The following PRMT3 variants were observed in gnomAD, a reference collection of about 807,000 sequenced individuals.
The protein encoded by PRMT3 is protein arginine methyltransferase 3, also known as protein arginine N-methyltransferase 3.
In PRMT3, 62 loss-of-function variants were observed where a neutral mutation model predicts 71.9. The ratio of observed to expected loss-of-function variants is 0.86; its 90% CI spans 0.70 to 1.07. The LOEUF is 1.07. Ranked by LOEUF, PRMT3 falls within the 50% of genes least tolerant of loss-of-function variation. The pLI, the probability that PRMT3 is intolerant of heterozygous loss-of-function variation, is 0.00. For synonymous variants in PRMT3, 213 were observed against 220.4 expected (o/e 0.97, Z 0.30); for missense variants, 663 against 643.0 (o/e 1.03, Z -0.34).
chr11:20,420,950 C>G (rs921579173), intron 9 of PRMT3, among the ~76,000 whole-genome samples: 3 of 152,160 alleles, frequency 2.0e-5, no homozygotes, highest in African/African-American at 7.2e-5. Flanking sequence ...TTTATGAATA[C>G]ATACATTAGA....
At chr11:20,504,764 C>G (rs972008009) in intron 15 of PRMT3, among the ~76,000 whole-genome samples, 1 of 144,610 alleles carries the variant, frequency 6.9e-6, no homozygotes, top group Non-Finnish European at 1.5e-5. Context: ...GACTGAGACT[C>G]GGTCTGTCGC....
intron 8 of PRMT3, chr11:20,405,747 C>T (rs1157633988): frequency 6.6e-6 from 1 of 152,216 alleles, no homozygotes; most frequent in African/African-American, 2.4e-5. Context: ...CTTCACTCAG[C>T]AGCTTTTCTT....
At chr11:20,434,679 G>T (rs774541354) in intron 10 of PRMT3, among the ~76,000 whole-genome samples, 1 of 152,112 alleles carries the variant, frequency 6.6e-6, no homozygotes, top group East Asian at 1.9e-4. Flanking sequence ...TCTTCAATCC[G>T]ATTGAAGGTT....
In PRMT3 at chr11:20,391,490, G is replaced by A. The variant is rs879572157; in HGVS notation, c.248-721G>A. 3.3e-5 allele frequency among the ~76,000 whole-genome samples: 5 copies of A among 152,258 alleles called. No individual in the cohort carries two copies. The East Asian group carries it at 7.7e-4, about 24-fold the overall frequency. On this transcript the variant is annotated intron_variant, in intron 3 of 15. Coordinates refer to ENST00000331079, the MANE Select transcript of PRMT3 (RefSeq NM_005788.4). Reference sequence around the variant, plus strand: ...ACTCCCGACCTCAGGTGATCCGCCTGCCTTGGCCTCCCAAAGTGCTGGGGT... The same window carrying A: ...ACTCCCGACCTCAGGTGATCCGCCTACCTTGGCCTCCCAAAGTGCTGGGGT...
In PRMT3 at chr11:20,394,923, T is replaced by G. The variant is rs897105385; in HGVS notation, c.401-880T>G. 4.6e-5 allele frequency among the ~76,000 whole-genome samples: 7 copies of G among 152,326 alleles called. No individual in the cohort carries two copies. The East Asian group carries it at 1.3e-3, about 29-fold the overall frequency. ...GATTTCCCTTAAGCAATATCTGAAT[T>G]TAATACCTGCTACAATAAGGACATG... On this transcript the variant is annotated intron_variant, in intron 5 of 15. Coordinates refer to ENST00000331079, the MANE Select transcript of PRMT3 (RefSeq NM_005788.4).
intron 11 of PRMT3, among the ~76,000 whole-genome samples, chr11:20,459,659 G>T (rs1361705798): frequency 6.6e-6 from 1 of 152,266 alleles, no homozygotes; most frequent in Admixed American, 6.5e-5. Context: ...AAACGACAGG[G>T]CATAATGTGG....
intron 13 of PRMT3, among the ~76,000 whole-genome samples, chr11:20,477,400 T>A (rs1339795236): frequency 6.6e-6 from 1 of 151,938 alleles, no homozygotes; most frequent in Non-Finnish European, 1.5e-5. Context: ...CTACTAAAAA[T>A]ACAAAAATTA....
At position 20,483,237 on chromosome 11, in the gene PRMT3, A is replaced by AT. The variant is rs1381223606; in HGVS notation, c.1348-10675dup. The stretch of plus-strand genomic sequence containing the variant: ...AACTTCTTCAGCAGTCATAAAACTA[A>AT]TTTTTTTATGCTGCGTTGATTTGTA... On this transcript the variant is annotated intron_variant, in intron 13 of 15. Transcript: ENST00000331079. Among the ~76,000 whole-genome samples the AT allele has an allele frequency of 9.9e-5, 15 of 152,156 alleles. 3 individuals are homozygous for AT. Among genetic ancestry groups the AT allele is most frequent in the African/African-American group, 3.6e-4 (15 of 41,528 alleles).
intron 15 of PRMT3, among the ~76,000 whole-genome samples, chr11:20,501,726 A>T (rs1851463027): frequency 6.6e-6 from 1 of 152,212 alleles, no homozygotes. Context: ...GAGGACACTT[A>T]AAGTTTGAAT....
At chr11:20,507,438 A>G (rs1448011531) in intron 15 of PRMT3, among the ~76,000 whole-genome samples, 1 of 138,010 alleles carries the variant, frequency 7.2e-6, no homozygotes, top group Non-Finnish European at 1.6e-5. Context: ...TTTCACAAGG[A>G]TTTGACACTG....
rs138876502 is a variant in PRMT3, at chr11:20,410,993, ATACT to A, written c.893+2965_893+2968del. Among the ~76,000 whole-genome samples, 1,417 of 152,264 alleles carry A rather than the reference ATACT, an allele frequency of 9.3e-3. 15 individuals carry two copies. Among genetic ancestry groups the A allele is most frequent in the African/African-American group, 0.033 (1,363 of 41,586 alleles). The stretch of plus-strand genomic sequence containing the variant: ...GAGCTAACAGAATGTCTCTTTAGCA[ATACT>A]TACAGGATTCGATACAAAGATGTTT... On this transcript the variant is annotated intron_variant, in intron 9 of 15. Transcript: ENST00000331079.
At chr11:20,435,453 C>T (rs1849741645) in intron 10 of PRMT3, among the ~76,000 whole-genome samples, 1 of 152,188 alleles carries the variant, frequency 6.6e-6, no homozygotes, top group African/African-American at 2.4e-5. Context: ...CCACCCACGT[C>T]AGCCTCCCAA....
At chr11:20,409,654 A>AACACACACACAC (rs60686099) in intron 9 of PRMT3, among the ~76,000 whole-genome samples, 2,286 of 144,308 alleles carry the variant, frequency 0.016, 41 homozygotes, top group African/African-American at 0.039. Flanking sequence ...GGAATACACA[A>AACACACACACAC]ACACACACAC....
rs112258820 is a variant in PRMT3 at position 20,412,528 on chromosome 11, A to G, written c.893+4496A>G. Among the ~76,000 whole-genome samples the G allele has an allele frequency of 5.0e-3, 758 of 151,970 alleles. 5 individuals are homozygous for G. Among genetic ancestry groups the G allele is most frequent in the African/African-American group, 0.017 (724 of 41,442 alleles). On this transcript the variant is annotated intron_variant, in intron 9 of 15. Transcript: ENST00000331079. ...CCTATCACCCGCGTCTACATTTATC[A>G]ATTTTTCACGATTTTTTTTATACAT...
intron 10 of PRMT3, 107 bp downstream of exon 10, chr11:20,426,972 C>T: frequency 7.2e-7 from 1 of 1,390,212 alleles, no homozygotes; most frequent in Non-Finnish European, 9.3e-7. Flanking sequence ...AGAATGGTGA[C>T]ATTATTTTTT....
intron 3 of PRMT3, among the ~76,000 whole-genome samples, chr11:20,391,366 C>T (rs1848710878): frequency 6.6e-6 from 1 of 152,024 alleles, no homozygotes; most frequent in Non-Finnish European, 1.5e-5. Flanking sequence ...CTGCCTCAGC[C>T]TCCCAAGTAG....
chr11:20,406,943 ATG>A (rs1486050672), intron 8 of PRMT3: 2 of 152,196 alleles, frequency 1.3e-5, no homozygotes, highest in East Asian at 3.9e-4. Flanking sequence ...CGTATATCCA[ATG>A]TAAGAATGTC....
rs1209787467 is a variant in PRMT3 at position 20,462,063 on chromosome 11, G to A, written c.1156G>A (p.Val386Ile). Residue 386 changes from valine to isoleucine, a missense_variant, in exon 12 of 16, where the codon GTC becomes ATC. By Grantham distance (29) the Val-to-Ile change is conservative (BLOSUM62 3). Coordinates refer to ENST00000331079, the MANE Select transcript of PRMT3 (RefSeq NM_005788.4). ...TGATAGAATTGCTTTTTGGGATGATGTCTATGGCTTCAAGATGTCCTGCAT... is the reference window on the plus strand; with the variant it reads ...TGATAGAATTGCTTTTTGGGATGATATCTATGGCTTCAAGATGTCCTGCAT... ...HADRIAFWDDVYGFKMSCMKK... is the reference protein window; with the variant it reads ...HADRIAFWDDIYGFKMSCMKK... 2 of 1,613,112 alleles carry A rather than the reference G, an allele frequency of 1.2e-6. No homozygotes were observed. The highest frequency in any genetic ancestry group is 2.2e-5 in the East Asian group (1 of 44,828).
At chr11:20,484,691 G>T (rs1851028939) in intron 13 of PRMT3, among the ~76,000 whole-genome samples, 1 of 152,126 alleles carries the variant, frequency 6.6e-6, no homozygotes, top group Admixed American at 6.6e-5. Context: ...TCTTTCTTTT[G>T]TAAATTGCCC....
Sources: allele counts gnomAD v4.1 joint callset (sites outside exome capture counted in the v4.1 genomes callset), GRCh38; gene constraint gnomAD v4.1.1; transcripts MANE v1.5; gene names NCBI Gene and HGNC (gene_info 2026-07-23, HGNC 2026-07-21).